The following CDH1 variants were observed in gnomAD, a reference collection of about 807,000 sequenced individuals.
The protein encoded by CDH1 is cadherin 1.
A neutral mutation model predicts 84.5 loss-of-function variants in CDH1; 35 were observed. The observed-to-expected ratio is 0.41, with a 90% CI of 0.32 to 0.55. The LOEUF (loss-of-function observed/expected upper bound fraction) is 0.55. CDH1 is among the 20% of genes least tolerant of loss of function. CDH1 has a pLI of 0.19. For synonymous variants in CDH1, 417 were observed against 439.0 expected, an observed-to-expected ratio of 0.95 and a Z score of 0.63; for missense variants, 994 against 1,126.6, an observed-to-expected ratio of 0.88 and a Z score of 1.68.
intron 2 of CDH1, among the ~76,000 whole-genome samples, chr16:68,769,810 G>A (rs1012204437): frequency 1.3e-5 from 2 of 151,698 alleles, no homozygotes; most frequent in Non-Finnish European, 2.9e-5. Flanking sequence ...GGCTCACGCT[G>A]GGGACTACAG....
intron 4 of CDH1, 29 bp from the exon 5 acceptor site, chr16:68,808,664 T>C (rs748729667): frequency 6.2e-7 from 1 of 1,613,864 alleles, no homozygotes; most frequent in South Asian, 1.1e-5. Context: ...CCTTCTTTAC[T>C]AATTCTTTTT....
chr16:68,787,223 C>T (rs9929239), intron 2 of CDH1, among the ~76,000 whole-genome samples: 41,757 of 152,022 alleles, frequency 0.27, 5,853 homozygotes, highest in Middle Eastern at 0.33. Context: ...TCTCTCCCTC[C>T]GCAAGCCTAG....
intron 2 of CDH1, among the ~76,000 whole-genome samples, chr16:68,785,081 T>A (rs1421056172): frequency 6.6e-6 from 1 of 152,162 alleles, no homozygotes; most frequent in Non-Finnish European, 1.5e-5. Context: ...CCTGTCTCCC[T>A]TTGTTCTAAT....
In CDH1 at chr16:68,813,362, T is replaced by A. The variant is rs2152133389; in HGVS notation, c.1187T>A (p.Leu396Gln). The A allele has an allele frequency of 6.2e-7, 1 of 1,614,144 alleles. No homozygotes were observed. Among genetic ancestry groups the A allele is most frequent in the Non-Finnish European group, 8.5e-7 (1 of 1,180,026 alleles). ...GAGGCTAACGTCGTAATCACCACAC[T>A]GAAAGTGACTGATGCTGATGCCCCC... ...ENEANVVITT[L>Q]KVTDADAPNT... The change falls in exon 9 of 16, where the codon CTG becomes CAG. Residue 396 changes from leucine to glutamine, a missense_variant. This residue lies in a region of CDH1 where 769 missense variants were observed against 881.8 expected (regional missense o/e 0.87). Transcript: ENST00000261769.
chr16:68,833,946 G>T lies in CDH1; in HGVS notation c.*447G>T. 2 of 344,196 alleles carry T rather than the reference G, an allele frequency of 5.8e-6. No individual in the cohort carries two copies. The highest frequency in any genetic ancestry group is 3.8e-5 in the South Asian group (1 of 26,212). 21.3% of individuals were successfully genotyped at this position (344,196 alleles called of 1,614,324 possible). ...TGTGCTTCTGCTCATTACTACACTG[G>T]TGTGTCCCTCTGCCTTTTTTTTTTT... On this transcript the variant is annotated 3_prime_UTR_variant, in exon 16 of 16. Transcript: ENST00000261769.
chr16:68,758,843 TTGCCCAGACTGG>T (rs1963087609), intron 2 of CDH1, among the ~76,000 whole-genome samples: 1 of 151,910 alleles, frequency 6.6e-6, no homozygotes, highest in Admixed American at 6.6e-5. Flanking sequence ...TCTTGCTCTG[TTGCCCAGACTGG>T]TGCCATCTCG....
At chr16:68,812,990 A>C (rs963379534) in intron 8 of CDH1, among the ~76,000 whole-genome samples, 2 of 151,996 alleles carry the variant, frequency 1.3e-5, no homozygotes, top group Non-Finnish European at 2.9e-5. Flanking sequence ...CAGTGAGCCG[A>C]GATTGTACCA....
intron 2 of CDH1, among the ~76,000 whole-genome samples, chr16:68,754,170 C>T (rs1962962390): frequency 6.6e-6 from 1 of 151,236 alleles, no homozygotes; most frequent in East Asian, 1.9e-4. Context: ...TGCCTGTAAT[C>T]CCAGCACTTT....
At chr16:68,769,572 G>T (rs973935115) in intron 2 of CDH1, among the ~76,000 whole-genome samples, 2 of 151,860 alleles carry the variant, frequency 1.3e-5, no homozygotes, top group African/African-American at 4.8e-5. Context: ...GTCTCCCAAA[G>T]TGTGGGGATT....
chr16:68,818,719 G>A (rs1461756279), intron 10 of CDH1, among the ~76,000 whole-genome samples: 1 of 150,784 alleles, frequency 6.6e-6, no homozygotes, highest in East Asian at 2.0e-4. Flanking sequence ...GCGTGATGGC[G>A]GGCGCCTCTA....
chr16:68,818,571 G>A (rs147350871), intron 10 of CDH1, among the ~76,000 whole-genome samples: 3,880 of 147,752 alleles, frequency 0.026, 169 homozygotes, highest in African/African-American at 0.091. Context: ...AGTTTCGGCC[G>A]GGCGCGGTGG....
intron 2 of CDH1, among the ~76,000 whole-genome samples, chr16:68,783,784 C>A (rs1959956087): frequency 6.6e-6 from 1 of 152,084 alleles, no homozygotes; most frequent in Admixed American, 6.6e-5. Context: ...TCAAGCAATT[C>A]TCAAGCCTCA....
chr16:68,781,621 G>A (rs1959880690), intron 2 of CDH1, among the ~76,000 whole-genome samples: 1 of 152,126 alleles, frequency 6.6e-6, no homozygotes, highest in African/African-American at 2.4e-5. Context: ...TAACAGGCAT[G>A]CAACACCATG....
chr16:68,784,490 C>T (rs1423305480), intron 2 of CDH1, among the ~76,000 whole-genome samples: 4 of 152,070 alleles, frequency 2.6e-5, no homozygotes, highest in Admixed American at 2.6e-4. Flanking sequence ...CTCCTTTCCA[C>T]CGCCCACATG....
chr16:68,794,750 G>A (rs910271264), intron 2 of CDH1, among the ~76,000 whole-genome samples: 1 of 146,350 alleles, frequency 6.8e-6, no homozygotes, highest in Non-Finnish European at 1.5e-5. Context: ...GCAGTGGCAC[G>A]ATCTTGGCTC....
chr16:68,812,777 C>T (rs1268313097), intron 8 of CDH1, among the ~76,000 whole-genome samples: 2 of 152,144 alleles, frequency 1.3e-5, no homozygotes, highest in Non-Finnish European at 2.9e-5. Flanking sequence ...CGTGGTGGCT[C>T]ACACCTGTAA....
chr16:68,758,326 G>C (rs760104753), intron 2 of CDH1, among the ~76,000 whole-genome samples: 16 of 149,116 alleles, frequency 1.1e-4, no homozygotes, highest in Non-Finnish European at 1.9e-4. Context: ...CTGTACAAAG[G>C]GGATAAACAT....
Position 68,749,546 on chromosome 16 carries a change from G to A in CDH1, c.163+11135G>A, listed in dbSNP as rs539801214. On this transcript the variant is annotated intron_variant, in intron 2 of 15. Transcript: ENST00000261769. Reference sequence around the variant, plus strand: ...ACTTGAAGGTGGCCAGCAGATGAAAGACAACTATTTGTGTCCATTTGCACA... The same window carrying A: ...ACTTGAAGGTGGCCAGCAGATGAAAAACAACTATTTGTGTCCATTTGCACA... Among the ~76,000 whole-genome samples the A allele has an allele frequency of 2.0e-4, 30 of 152,328 alleles. 1 individual carries two copies. The highest frequency in any genetic ancestry group is 1.6e-3 in the Admixed American group (24 of 15,290).
At chr16:68,739,583 G>T (rs1179972791) in intron 2 of CDH1, among the ~76,000 whole-genome samples, 3 of 149,968 alleles carry the variant, frequency 2.0e-5, no homozygotes, top group African/African-American at 7.4e-5. Flanking sequence ...CTTGATACAG[G>T]TACTGTTTCC....
Sources: gnomAD v4.1 joint callset for allele counts (sites outside exome capture counted in the v4.1 genomes callset) on GRCh38, gnomAD v4.1.1 for gene constraint, gnomAD v4.1.1 regional missense constraint, MANE v1.5 for transcripts, NCBI Gene and HGNC (gene_info 2026-07-23, HGNC 2026-07-21) for gene names.